HS3ST4: variants seen among roughly 807,000 people sequenced by gnomAD.
HS3ST4 encodes heparan sulfate glucosamine 3-O-sulfotransferase 4.
HS3ST4 carries 17 observed loss-of-function variants against 29.2 expected under a neutral mutation model. That is an observed-to-expected ratio of 0.58 (90% CI 0.40 to 0.87). HS3ST4 has a LOEUF of 0.87. HS3ST4 is among the 40% of genes least tolerant of loss of function. HS3ST4 has a pLI of 0.00. For synonymous variants in HS3ST4, 314 were observed against 285.7 expected (o/e 1.10, Z -1.00); for missense variants, 627 against 634.5 (o/e 0.99, Z 0.13).
intron 1 of HS3ST4, among the ~76,000 whole-genome samples, chr16:25,751,253 G>T (rs966121784): frequency 1.3e-5 from 2 of 152,170 alleles, no homozygotes; most frequent in African/African-American, 4.8e-5. Context: ...AAGTGCGTGT[G>T]TGCGGATGTG....
chr16:25,784,941 A>G (rs896008360), intron 1 of HS3ST4, among the ~76,000 whole-genome samples: 4 of 152,220 alleles, frequency 2.6e-5, no homozygotes, highest in Non-Finnish European at 4.4e-5. Flanking sequence ...ATGACAGGCT[A>G]ACTTTTGTTA....
intron 1 of HS3ST4, among the ~76,000 whole-genome samples, chr16:25,752,704 C>T (rs1596560999): frequency 6.6e-6 from 1 of 152,144 alleles, no homozygotes; most frequent in Non-Finnish European, 1.5e-5. Context: ...TATTTGTCTT[C>T]CAAAAATACA....
At chr16:25,964,818 A>G (rs1241638107) in intron 1 of HS3ST4, among the ~76,000 whole-genome samples, 2 of 152,206 alleles carry the variant, frequency 1.3e-5, no homozygotes, top group Non-Finnish European at 2.9e-5. Context: ...ACATTATTTT[A>G]TAAACATTAT....
At chr16:25,882,096 T>A (rs2141664481) in intron 1 of HS3ST4, among the ~76,000 whole-genome samples, 1 of 152,242 alleles carries the variant, frequency 6.6e-6, no homozygotes, top group Middle Eastern at 3.4e-3. Context: ...CTCTTGTTGG[T>A]TTAAATGTGA....
intron 1 of HS3ST4, among the ~76,000 whole-genome samples, chr16:25,916,508 A>G (rs1968294253): frequency 6.7e-6 from 1 of 148,300 alleles, no homozygotes; most frequent in Non-Finnish European, 1.5e-5. Context: ...GATTACAGGC[A>G]TGTGCCAACA....
At chr16:25,905,448 A>G (rs1259054087) in intron 1 of HS3ST4, among the ~76,000 whole-genome samples, 2 of 152,110 alleles carry the variant, frequency 1.3e-5, no homozygotes, top group South Asian at 4.1e-4. Context: ...ACTCTCTAAT[A>G]CCTTGTTTCT....
chr16:25,780,767 A>G (rs1172794373), intron 1 of HS3ST4, among the ~76,000 whole-genome samples: 1 of 152,228 alleles, frequency 6.6e-6, no homozygotes, highest in Non-Finnish European at 1.5e-5. Flanking sequence ...ATTGTTTTTA[A>G]CTATTGCTAT....
intron 1 of HS3ST4, among the ~76,000 whole-genome samples, chr16:26,080,449 C>A (rs541237814): frequency 6.6e-6 from 1 of 152,208 alleles, no homozygotes; most frequent in Non-Finnish European, 1.5e-5. Context: ...CTGAAAGCAG[C>A]CCCTGAAAGA....
chr16:25,926,931 T>A (rs181347541), intron 1 of HS3ST4, among the ~76,000 whole-genome samples: 137 of 152,258 alleles, frequency 9.0e-4, no homozygotes, highest in Middle Eastern at 3.4e-3. Context: ...TTGGGTTCCC[T>A]CTGAAGGGGT....
intron 1 of HS3ST4, among the ~76,000 whole-genome samples, chr16:25,789,656 G>T (rs2141619149): frequency 6.6e-6 from 1 of 152,004 alleles, no homozygotes; most frequent in Non-Finnish European, 1.5e-5. Context: ...ACAGCATGAT[G>T]AATTATCACA....
chr16:25,895,976 G>A (rs909193333), intron 1 of HS3ST4, among the ~76,000 whole-genome samples: 1 of 152,208 alleles, frequency 6.6e-6, no homozygotes, highest in Non-Finnish European at 1.5e-5. Context: ...GAGATGGGGG[G>A]AACTAATGTC....
chr16:25,895,246 A>T (rs554746742), intron 1 of HS3ST4, among the ~76,000 whole-genome samples: 1 of 152,098 alleles, frequency 6.6e-6, no homozygotes, highest in Non-Finnish European at 1.5e-5. Flanking sequence ...GAACAAGGTG[A>T]TGTGAGTTAA....
intron 1 of HS3ST4, among the ~76,000 whole-genome samples, chr16:26,014,744 C>T (rs1484329916): frequency 6.6e-6 from 1 of 152,164 alleles, no homozygotes; most frequent in Non-Finnish European, 1.5e-5. Context: ...CAGTCCATCA[C>T]TGATGAGTTT....
At chr16:25,881,622 G>T (rs1382147393) in intron 1 of HS3ST4, among the ~76,000 whole-genome samples, 1 of 152,160 alleles carries the variant, frequency 6.6e-6, no homozygotes, top group Non-Finnish European at 1.5e-5. Context: ...GAGGGCTCCT[G>T]CAGTCTCTTA....
At chr16:25,718,443 C>T (rs1966472315) in intron 1 of HS3ST4, among the ~76,000 whole-genome samples, 1 of 151,708 alleles carries the variant, frequency 6.6e-6, no homozygotes, top group African/African-American at 2.4e-5. Flanking sequence ...TCATTTCTTA[C>T]CTATGGAGAA....
intron 1 of HS3ST4, among the ~76,000 whole-genome samples, chr16:26,112,356 GCTTGAAGCCTT>G (rs1899143277): frequency 1.4e-5 from 2 of 146,330 alleles, no homozygotes. Flanking sequence ...TTATAACCAG[GCTTGAAGCCTT>G]AAAGCCTCTA....
At chr16:26,024,359 T>C (rs920564589) in intron 1 of HS3ST4, among the ~76,000 whole-genome samples, 3 of 152,190 alleles carry the variant, frequency 2.0e-5, no homozygotes, top group African/African-American at 7.2e-5. Context: ...CCCAGTTTGA[T>C]AATCCATCTT....
Position 25,692,433 on chromosome 16 carries a change from G to GCACCTCCTCCGC in HS3ST4, c.18_29dup (p.Pro13_Pro16dup). On this transcript the variant is annotated inframe_insertion, in exon 1 of 2. Transcript: ENST00000331351. Reference sequence around the variant, plus strand: ...GGGAGCCGCGATGGCCCGGTGGCCCGCACCTCCTCCGCCTCCGCCTCCGCC... The same window carrying GCACCTCCTCCGC: ...GGGAGCCGCGATGGCCCGGTGGCCCGCACCTCCTCCGCCACCTCCTCCGCCTCCGCCTCCGCC... 8.7e-7 allele frequency: 1 copy of GCACCTCCTCCGC among 1,150,158 alleles called. No individual in the cohort carries two copies. The highest frequency in any genetic ancestry group is 1.1e-6 in the Non-Finnish European group (1 of 923,042). 71.2% of individuals were successfully genotyped at this position (1,150,158 alleles called of 1,614,324 possible). A position where few individuals can be genotyped will look rare whatever the true frequency, so the allele number is the denominator to read the frequency against.
chr16:25,910,201 C>T (rs975964107), intron 1 of HS3ST4, among the ~76,000 whole-genome samples: 17 of 152,180 alleles, frequency 1.1e-4, no homozygotes, highest in Non-Finnish European at 1.0e-4. Flanking sequence ...GCTCTAAAAA[C>T]GTTGGTTATT....
Sources: allele counts gnomAD v4.1 joint callset (sites outside exome capture counted in the v4.1 genomes callset), GRCh38; gene constraint gnomAD v4.1.1; transcripts MANE v1.5; gene names NCBI Gene and HGNC (gene_info 2026-07-23, HGNC 2026-07-21).